Variants in STS observed in about 807,000 individuals in gnomAD.
The protein encoded by STS is steryl-sulfatase.
In STS, 7 loss-of-function variants were observed where a neutral mutation model predicts 26.8. The observed-to-expected ratio is 0.26, with a 90% CI of 0.15 to 0.49. The LOEUF is 0.49. Ranked by LOEUF, STS falls within the 20% of genes least tolerant of loss-of-function variation. The pLI, the probability that STS is intolerant of heterozygous loss-of-function variation, is 0.98. For missense variants in STS, 434 were observed against 465.6 expected, an observed-to-expected ratio of 0.93 and a Z score of 0.63; for synonymous variants, 199 against 189.4, an observed-to-expected ratio of 1.05 and a Z score of -0.42.
rs1268717535 is a variant in STS, at chrX:7,222,136, G to GTGCCT, written c.-4-31057_-4-31053dup. Among the ~76,000 whole-genome samples the GTGCCT allele has an allele frequency of 3.6e-5, 4 of 111,695 alleles. No homozygotes were observed. The Admixed American group carries it at 3.8e-4, about 11-fold the overall frequency. ...TCCTCACTAAATACTGGATCTCTTG[G>GTGCCT]TGCCTTGTTCTTGCACTTCCAAGAA... On this transcript the variant is annotated intron_variant, in intron 2 of 10. Transcript: ENST00000674429.
At chrX:7,250,472 AGCT>A (rs1923087357) in intron 2 of STS, among the ~76,000 whole-genome samples, 1 of 110,809 alleles carries the variant, frequency 9.0e-6, no homozygotes, top group African/African-American at 3.3e-5. Flanking sequence ...CATAAATATT[AGCT>A]TAAGCATTAA....
chrX:7,332,693 A>G (rs1927814882), intron 9 of STS, among the ~76,000 whole-genome samples: 1 of 110,924 alleles, frequency 9.0e-6, no homozygotes, highest in Non-Finnish European at 1.9e-5. Flanking sequence ...TAAAGGCCTG[A>G]GTCTTTCTTG....
At chrX:7,225,464 C>T (rs191195932) in intron 2 of STS, among the ~76,000 whole-genome samples, 3 of 111,683 alleles carry the variant, frequency 2.7e-5, no homozygotes, top group Non-Finnish European at 3.8e-5. Flanking sequence ...AGGAGTCACA[C>T]GGGACATACT....
intron 1 of STS, among the ~76,000 whole-genome samples, chrX:7,167,714 G>T (rs1033761491): frequency 9.0e-6 from 1 of 111,280 alleles, no homozygotes; most frequent in Non-Finnish European, 1.9e-5. Flanking sequence ...TTTTTGTTTG[G>T]TTTTTGTTCT....
chrX:7,198,875 A>G (rs1197337409), intron 2 of STS, among the ~76,000 whole-genome samples: 2 of 112,257 alleles, frequency 1.8e-5, no homozygotes, highest in African/African-American at 6.5e-5. Context: ...AACCTACCCA[A>G]GATTCCAGAG....
intron 1 of STS, among the ~76,000 whole-genome samples, chrX:7,187,042 A>G (rs1933785480): frequency 9.0e-6 from 1 of 111,620 alleles, no homozygotes; most frequent in African/African-American, 3.3e-5. Flanking sequence ...CCCTTGGAAA[A>G]GGCAGTTCTC....
chrX:7,243,641 C>G (rs180737326), intron 2 of STS, among the ~76,000 whole-genome samples: 3 of 111,849 alleles, frequency 2.7e-5, no homozygotes, highest in East Asian at 2.8e-4. Flanking sequence ...CTATCACATT[C>G]CCTGGGTTGG....
chrX:7,240,527 GTGTGTGTATA>G (rs756878187), intron 2 of STS, among the ~76,000 whole-genome samples: 1,126 of 35,199 alleles, frequency 0.032, 8 homozygotes, highest in Non-Finnish European at 0.047. Flanking sequence ...GTGTGTGTGT[GTGTGTGTATA>G]TATATATATA....
At position 7,305,310 on chromosome X, in the gene STS, G is replaced by T. The variant is rs1926158644; in HGVS notation, c.1081+127G>T. 4 of 900,219 alleles carry T rather than the reference G, an allele frequency of 4.4e-6. No individual in the cohort carries two copies. The South Asian group carries it at 8.6e-5, about 19-fold the overall frequency. The allele number at this position is 900,219 out of a possible 1,213,427, so 74.2% of individuals were successfully genotyped here. On this transcript the variant is annotated intron_variant, in intron 8 of 10. Coordinates refer to ENST00000674429, the MANE Select transcript of STS (RefSeq NM_001320752.2). ...AATAGGTAGGACTTCCTTGTGTCAT[G>T]GAGACAGTCAGAAGGCCAAAGTGAC...
chrX:7,343,871 C>T (rs1195008735), intron 10 of STS, among the ~76,000 whole-genome samples: 1 of 112,177 alleles, frequency 8.9e-6, no homozygotes, highest in Non-Finnish European at 1.9e-5. Context: ...ACAAGAGAGT[C>T]TTCGGGCCCC....
chrX:7,220,176 G>A (rs761467778), intron 2 of STS, among the ~76,000 whole-genome samples: 1 of 111,551 alleles, frequency 9.0e-6, no homozygotes, highest in East Asian at 2.8e-4. Flanking sequence ...CTCAGATGAC[G>A]AGTTTGTCTA....
intron 2 of STS, among the ~76,000 whole-genome samples, chrX:7,197,369 C>A (rs1933989751): frequency 9.0e-6 from 1 of 111,385 alleles, no homozygotes; most frequent in African/African-American, 3.3e-5. Flanking sequence ...AGACAGGGTT[C>A]CTGGATCTTG....
At chrX:7,232,489 A>G (rs1156622848) in intron 2 of STS, among the ~76,000 whole-genome samples, 1 of 111,512 alleles carries the variant, frequency 9.0e-6, no homozygotes, top group Non-Finnish European at 1.9e-5. Flanking sequence ...TTTGTCTCTG[A>G]TATCTTTTAG....
rs1928933568 is a variant in STS at position 7,354,558 on chromosome X, G to T, written c.*4297G>T. The stretch of plus-strand genomic sequence containing the variant: ...TTCCGACATCGTGAACCTGTTCTGT[G>T]TTGCAAGATATCACTCAAGCCAGTG... On this transcript the variant is annotated 3_prime_UTR_variant, in exon 11 of 11. Transcript: ENST00000674429. 8.9e-6 allele frequency: 1 copy of T among 111,882 alleles called. No individual in the cohort carries two copies. The highest frequency in any genetic ancestry group is 3.7e-4 in the South Asian group (1 of 2,684). 9.2% of individuals were successfully genotyped at this position (111,882 alleles called of 1,213,427 possible). A position where few individuals can be genotyped will look rare whatever the true frequency, so the allele number is the denominator to read the frequency against.
At chrX:7,215,138 CATATAT>C (rs369499691) in intron 2 of STS, among the ~76,000 whole-genome samples, 2 of 90,308 alleles carry the variant, frequency 2.2e-5, no homozygotes, top group Admixed American at 1.3e-4. Context: ...CACACACACA[CATATAT>C]ATATATATAT....
At chrX:7,198,473 T>C (rs1934010622) in intron 2 of STS, among the ~76,000 whole-genome samples, 1 of 111,268 alleles carries the variant, frequency 9.0e-6, no homozygotes. Flanking sequence ...TTGAGAATCT[T>C]GTGGCCTCTG....
chrX:7,234,380 A>G (rs1433303739), intron 2 of STS, among the ~76,000 whole-genome samples: 1 of 112,249 alleles, frequency 8.9e-6, no homozygotes, highest in Non-Finnish European at 1.9e-5. Context: ...GACATCCACC[A>G]TCATTTCCTC....
chrX:7,325,153 C>T (rs776352950), intron 8 of STS, among the ~76,000 whole-genome samples, 186 bp from the exon 9 acceptor site: 1 of 111,742 alleles, frequency 8.9e-6, no homozygotes, highest in Non-Finnish European at 1.9e-5. Flanking sequence ...ATGGTGGTGA[C>T]TGTATCATAT....
intron 2 of STS, among the ~76,000 whole-genome samples, chrX:7,215,111 A>G (rs1341744947): frequency 1.4e-5 from 1 of 70,355 alleles, no homozygotes; most frequent in African/African-American, 6.9e-5. Flanking sequence ...ATATATACAC[A>G]TATATACACA....
Sources: gnomAD v4.1 joint callset for allele counts (sites outside exome capture counted in the v4.1 genomes callset) on GRCh38, gnomAD v4.1.1 for gene constraint, MANE v1.5 for transcripts, NCBI Gene and HGNC (gene_info 2026-07-23, HGNC 2026-07-21) for gene names.